The following CLCN1 variants were observed in gnomAD, a reference collection of about 807,000 sequenced individuals.
CLCN1 encodes the protein chloride channel protein 1.
A neutral mutation model predicts 114.5 loss-of-function variants in CLCN1; 100 were observed. The ratio of observed to expected loss-of-function variants is 0.87; its 90% confidence interval spans 0.74 to 1.03. CLCN1 has a LOEUF of 1.03. Ranked by LOEUF, CLCN1 falls within the 50% of genes least tolerant of loss-of-function variation. The pLI is 0.00. For synonymous variants in CLCN1, 485 were observed against 487.1 expected, an observed-to-expected ratio of 1.00 and a Z score of 0.06; for missense variants, 1,188 against 1,250.0, an observed-to-expected ratio of 0.95 and a Z score of 0.75.
At chr7:143,320,255 G>T (rs369588677) in intron 2 of CLCN1, among the ~76,000 whole-genome samples, 1 of 152,216 alleles carries the variant, frequency 6.6e-6, no homozygotes, top group Non-Finnish European at 1.5e-5. Context: ...GATTAGAGGC[G>T]TGAGCCACCA....
intron 7 of CLCN1, among the ~76,000 whole-genome samples, chr7:143,328,729 C>T (rs1444264388): frequency 6.6e-6 from 1 of 152,178 alleles, no homozygotes; most frequent in African/African-American, 2.4e-5. Context: ...CCAGAGGCAG[C>T]TGCTTACCTG....
chr7:143,330,684 C>T, intron 7 of CLCN1, 88 bp from the exon 8 acceptor site: 1 of 1,577,584 alleles, frequency 6.3e-7, no homozygotes, highest in Non-Finnish European at 8.7e-7. Context: ...CATGTTTCAG[C>T]AAAAGCTCCT....
In CLCN1 at chr7:143,351,628, G is replaced by T; in HGVS notation, c.2630G>T (p.Gly877Val). ...GCCATTGAGGGGCACACCAAGTCTG[G>T]GGTGCAGCTCCGCCCTCCCCTTGCC... ...QKAIEGHTKS[G>V]VQLRPPLASF... Residue 877 changes from glycine (G) to valine (V), a missense_variant, in exon 23 of 23, where the codon GGG (glycine) becomes GTG (valine). By Grantham distance (109) the Gly-to-Val change is moderately radical. Coordinates refer to ENST00000343257, the MANE Select transcript of CLCN1 (RefSeq NM_000083.3). 1.2e-6 allele frequency: 2 copies of T among 1,614,118 alleles called. No homozygotes were observed. Among genetic ancestry groups the T allele is most frequent in the Non-Finnish European group, 8.5e-7 (1 of 1,180,016 alleles).
intron 1 of CLCN1, among the ~76,000 whole-genome samples, chr7:143,317,128 T>G (rs185418941): frequency 8.5e-5 from 13 of 152,172 alleles, no homozygotes; most frequent in Admixed American, 7.2e-4. Flanking sequence ...AAGGAAAGGT[T>G]GTGAAATTGT....
Position 143,330,849 on chromosome 7 carries a change from T to A in CLCN1, c.931T>A (p.Phe311Ile). Residue 311 changes from phenylalanine to isoleucine, a missense_variant, in exon 8 of 23, where the codon TTC becomes ATC. Physicochemically the swap from Phe to Ile is conservative, Grantham distance 21. Transcript: ENST00000343257. ...CTGGAGAGGATTCTTTGCAGCCACGTTCAGCGCCTTTGTGTTTCGAGTGCT... is the reference window on the plus strand; with the variant it reads ...CTGGAGAGGATTCTTTGCAGCCACGATCAGCGCCTTTGTGTTTCGAGTGCT... ...NYWRGFFAAT[F>I]SAFVFRVLAV... The A allele has an allele frequency of 6.2e-7, 1 of 1,614,218 alleles. No homozygotes were observed. Among genetic ancestry groups the A allele is most frequent in the South Asian group, 1.1e-5 (1 of 91,084 alleles).
intron 20 of CLCN1, among the ~76,000 whole-genome samples, chr7:143,349,694 A>C (rs1488937886): frequency 6.6e-6 from 1 of 152,248 alleles, no homozygotes; most frequent in Non-Finnish European, 1.5e-5. Context: ...CTTCAATTTC[A>C]ACAAGTACCC....
Position 143,330,786 on chromosome 7 carries a change from A to G in CLCN1, c.868A>G (p.Ile290Val). The G allele has an allele frequency of 2.5e-6, 4 of 1,614,184 alleles. No individual in the cohort carries two copies. The highest frequency in any genetic ancestry group is 2.5e-6 in the Non-Finnish European group (3 of 1,180,034). ...GTPLGGVLFS[I>V]EVTSTYFAVR... Reference sequence around the variant, plus strand: ...TGCCCCTGCAGGAGTGCTATTTAGCATCGAGGTCACCTCCACCTACTTTGC... The same window carrying G: ...TGCCCCTGCAGGAGTGCTATTTAGCGTCGAGGTCACCTCCACCTACTTTGC... The change falls in exon 8 of 23, where the codon ATC becomes GTC. Residue 290 changes from isoleucine to valine, a missense_variant. Ile to Val is a conservative substitution (Grantham distance 29). Coordinates refer to ENST00000343257, the MANE Select transcript of CLCN1 (RefSeq NM_000083.3).
intron 14 of CLCN1, among the ~76,000 whole-genome samples, chr7:143,340,655 C>T (rs914705985): frequency 1.3e-5 from 2 of 152,168 alleles, no homozygotes; most frequent in African/African-American, 4.8e-5. Context: ...GCCTCAGCCT[C>T]CCAAGTAGCT....
chr7:143,341,984 C>T lies in CLCN1; in HGVS notation c.1638C>T (p.Cys546=). 4.3e-6 allele frequency: 7 copies of T among 1,614,198 alleles called. No individual in the cohort carries two copies. The highest frequency in any genetic ancestry group is 5.9e-6 in the Non-Finnish European group (7 of 1,180,044). ...VSHTVSTAVI[C]FELTGQIAHI... ...ACACAGTCTCCACAGCTGTGATTTGCTTCGAATTAACGGGTCAGATTGCTC... is the reference window on the plus strand; with the variant it reads ...ACACAGTCTCCACAGCTGTGATTTGTTTCGAATTAACGGGTCAGATTGCTC... Residue 546 remains cysteine, a synonymous_variant, in exon 15 of 23, where the codon TGC becomes TGT. Transcript: ENST00000343257.
intron 20 of CLCN1, among the ~76,000 whole-genome samples, chr7:143,348,304 T>C (rs58927079): frequency 0.13 from 20,191 of 152,088 alleles, 1,605 homozygotes; most frequent in Middle Eastern, 0.28. Context: ...AAGGCCATAA[T>C]TGCAGTTAAG....
At chr7:143,318,689 C>T (rs1452249795) in intron 1 of CLCN1, among the ~76,000 whole-genome samples, 1 of 152,160 alleles carries the variant, frequency 6.6e-6, no homozygotes, top group African/African-American at 2.4e-5. Flanking sequence ...ATGAAGCAAC[C>T]CCCTTCCTTG....
intron 7 of CLCN1, among the ~76,000 whole-genome samples, chr7:143,327,220 T>C (rs13306910): frequency 0.89 from 133,789 of 150,992 alleles, 59,536 homozygotes; most frequent in Admixed American, 0.94. Flanking sequence ...TGCACTCCAG[T>C]CCGGGCAACA....
intron 3 of CLCN1, 98 bp downstream of exon 3, chr7:143,320,893 T>C: frequency 1.4e-6 from 2 of 1,436,844 alleles, no homozygotes; most frequent in Non-Finnish European, 2.0e-6. Context: ...GCAGGGTGTG[T>C]TATGGGAAGC....
At chr7:143,344,769 T>TTA (rs1554438893) in intron 16 of CLCN1, among the ~76,000 whole-genome samples, 2,667 of 150,420 alleles carry the variant, frequency 0.018, 84 homozygotes, top group African/African-American at 0.061. Flanking sequence ...TTTTTTTTTT[T>TTA]AATGAAATCT....
chr7:143,321,279 T>A lies in CLCN1; in HGVS notation c.434-86T>A. On this transcript the variant is annotated intron_variant, in intron 3 of 22. Coordinates refer to ENST00000343257, the MANE Select transcript of CLCN1 (RefSeq NM_000083.3). The surrounding 1 kb of genome is among the most constrained non-coding windows in gnomAD (Gnocchi z 4.2). ...AGGGGCACACAGAAGGAGCACGGCC[T>A]GAGAACATGCCGGGTACACGTCCTG... 1 of 1,528,040 alleles carries A rather than the reference T, an allele frequency of 6.5e-7. No homozygotes were observed. The highest frequency in any genetic ancestry group is 9.0e-7 in the Non-Finnish European group (1 of 1,114,978). The allele number at this position is 1,528,040 out of a possible 1,614,324, so 94.7% of individuals were successfully genotyped here.
At chr7:143,320,519 C>A in intron 2 of CLCN1, 145 bp from the exon 3 acceptor site, 1 of 794,106 alleles carries the variant, frequency 1.3e-6, no homozygotes, top group Non-Finnish European at 2.0e-6. Flanking sequence ...TTGGGTATAG[C>A]ACCCAAAGTA....
At chr7:143,325,950 C>T (rs1433984832) in intron 7 of CLCN1, among the ~76,000 whole-genome samples, 4 of 152,114 alleles carry the variant, frequency 2.6e-5, no homozygotes, top group African/African-American at 9.7e-5. Flanking sequence ...GCCATGTTTA[C>T]GCTGTTTGTA....
intron 16 of CLCN1, 109 bp from the exon 17 acceptor site, chr7:143,345,412 G>T: frequency 7.5e-7 from 1 of 1,342,058 alleles, no homozygotes; most frequent in Non-Finnish European, 9.9e-7. Flanking sequence ...GAAAGATGTG[G>T]GGACGCCGGG....
chr7:143,342,345 A>G (rs1478276236), intron 15 of CLCN1, 27 bp from the exon 16 acceptor site: 5 of 1,613,342 alleles, frequency 3.1e-6, no homozygotes, highest in Non-Finnish European at 4.2e-6. Context: ...CGGTGGGGCT[A>G]ACCCACCATG....
Sources: gnomAD v4.1 joint callset for allele counts (sites outside exome capture counted in the v4.1 genomes callset) on GRCh38, gnomAD v4.1.1 for gene constraint, Gnocchi (gnomAD v3.1) non-coding constraint, MANE v1.5 for transcripts, NCBI Gene and HGNC (gene_info 2026-07-23, HGNC 2026-07-21) for gene names.